KCNN2: variants seen among roughly 807,000 people sequenced by gnomAD.
KCNN2 encodes potassium calcium-activated channel subfamily N member 2.
A neutral mutation model predicts 55.5 loss-of-function variants in KCNN2; 24 were observed. That is an observed-to-expected ratio of 0.43 (90% CI 0.31 to 0.61). KCNN2 has a LOEUF of 0.61. Ranked by LOEUF, KCNN2 falls within the 20% of genes least tolerant of loss-of-function variation. The pLI is 0.08. For missense variants in KCNN2, 754 were observed against 853.6 expected (o/e 0.88, Z 1.45); for synonymous variants, 431 against 336.1 (o/e 1.28, Z -3.09).
chr5:114,166,733 C>T (rs1752920491), intron 1 of KCNN2, among the ~76,000 whole-genome samples: 1 of 152,064 alleles, frequency 6.6e-6, no homozygotes, highest in Non-Finnish European at 1.5e-5. Flanking sequence ...GTTTGCATTT[C>T]CTCCAAATTC....
intron 2 of KCNN2, among the ~76,000 whole-genome samples, chr5:114,235,963 A>G (rs1366780401): frequency 6.6e-6 from 1 of 152,180 alleles, no homozygotes; most frequent in Non-Finnish European, 1.5e-5. Context: ...GCTAGTATTG[A>G]GGCTATGCAG....
intron 2 of KCNN2, among the ~76,000 whole-genome samples, chr5:114,227,743 C>T (rs1754266718): frequency 6.6e-6 from 1 of 152,066 alleles, no homozygotes; most frequent in East Asian, 1.9e-4. Context: ...GATATTATTT[C>T]TGAATTAAGC....
chr5:114,359,303 T>G (rs2150043070), upstream of KCNN2, among the ~76,000 whole-genome samples: 1 of 152,332 alleles, frequency 6.6e-6, no homozygotes, highest in Middle Eastern at 3.4e-3. Flanking sequence ...TCTATCCTCC[T>G]GTGTACCCCC....
chr5:114,244,431 GC>G (rs1754710864), intron 2 of KCNN2, among the ~76,000 whole-genome samples: 1 of 151,936 alleles, frequency 6.6e-6, no homozygotes, highest in South Asian at 2.1e-4. Context: ...CCTTGTCTCT[GC>G]TAAAAATACA....
intron 1 of KCNN2, among the ~76,000 whole-genome samples, chr5:114,066,972 T>G (rs1459814589): frequency 6.6e-6 from 1 of 152,228 alleles, no homozygotes; most frequent in Non-Finnish European, 1.5e-5. Flanking sequence ...GAGACTGATA[T>G]ATAAACTGAA....
intron 1 of KCNN2, among the ~76,000 whole-genome samples, chr5:114,213,074 A>T (rs1247886716): frequency 6.6e-6 from 1 of 152,018 alleles, no homozygotes; most frequent in African/African-American, 2.4e-5. Flanking sequence ...ATTTGAGACC[A>T]CGAAACCAAT....
chr5:114,417,081 T>A (rs987165048), intron 3 of KCNN2, among the ~76,000 whole-genome samples: 1 of 152,250 alleles, frequency 6.6e-6, no homozygotes, highest in Admixed American at 6.5e-5. Flanking sequence ...ATAATACCTT[T>A]TATGCCAGAG....
chr5:114,378,093 G>A (rs1014259519), intron 2 of KCNN2, among the ~76,000 whole-genome samples: 1 of 152,162 alleles, frequency 6.6e-6, no homozygotes, highest in Non-Finnish European at 1.5e-5. Context: ...GCAAATATTT[G>A]CTTAGTTAGA....
Position 114,275,410 on chromosome 5 carries a change from T to C in KCNN2, c.-185+53845T>C, listed in dbSNP as rs532778199. 1.7e-4 allele frequency among the ~76,000 whole-genome samples: 26 copies of C among 152,322 alleles called. No individual in the cohort carries two copies. The South Asian group carries it at 3.9e-3, about 23-fold the overall frequency. ...ATTGGAATAGTTTCAGAAGGAATGG[T>C]GTCCATTCCTCTTTGTACCTCTGGT... On this transcript the variant is annotated intron_variant, in intron 2 of 10. Coordinates refer to the KCNN2 transcript ENST00000512097.
intron 2 of KCNN2, among the ~76,000 whole-genome samples, chr5:114,277,969 T>C (rs1755527361): frequency 6.6e-6 from 1 of 152,216 alleles, no homozygotes; most frequent in Non-Finnish European, 1.5e-5. Flanking sequence ...TTCCCATCTT[T>C]GTAGTTTTAT....
At position 114,280,974 on chromosome 5, in the gene KCNN2, G is replaced by A. The variant is rs534369521; in HGVS notation, c.-185+59409G>A. On this transcript the variant is annotated intron_variant, in intron 2 of 10. Coordinates refer to the KCNN2 transcript ENST00000512097. ...TGAGCACACTAACCCTTCTTTTGCC[G>A]TTATATTTGATATTTTCCTCTTTAG... 2.5e-4 allele frequency among the ~76,000 whole-genome samples: 38 copies of A among 151,904 alleles called. No individual in the cohort carries two copies. The South Asian group carries it at 3.5e-3, about 14-fold the overall frequency.
chr5:114,408,462 C>G (rs938715103), intron 3 of KCNN2, among the ~76,000 whole-genome samples: 8 of 151,896 alleles, frequency 5.3e-5, no homozygotes, highest in East Asian at 1.9e-4. Flanking sequence ...TTAACGTTTT[C>G]TTTTTAAGGA....
intron 2 of KCNN2, among the ~76,000 whole-genome samples, chr5:114,221,744 T>C (rs543657115): frequency 6.6e-6 from 1 of 152,324 alleles, no homozygotes; most frequent in African/African-American, 2.4e-5. Flanking sequence ...TTTCTCTCAC[T>C]AGCCCACCAC....
At chr5:114,252,218 C>A (rs972989002) in intron 2 of KCNN2, among the ~76,000 whole-genome samples, 3 of 151,404 alleles carry the variant, frequency 2.0e-5, no homozygotes, top group African/African-American at 7.2e-5. Context: ...AATGTTTTTT[C>A]TATTAACCTT....
At chr5:114,138,254 ATTTG>A (rs1297187145) in intron 1 of KCNN2, among the ~76,000 whole-genome samples, 1 of 152,136 alleles carries the variant, frequency 6.6e-6, no homozygotes, top group Non-Finnish European at 1.5e-5. Context: ...CTGTAAGTAT[ATTTG>A]TTGTCTTTAG....
chr5:114,311,742 A>C (rs1436536858), intron 2 of KCNN2, among the ~76,000 whole-genome samples: 1 of 152,116 alleles, frequency 6.6e-6, no homozygotes, highest in Admixed American at 6.6e-5. Context: ...CATAGATTAG[A>C]GATGAATCTT....
chr5:114,496,382 A>G lies in KCNN2; in HGVS notation c.*200A>G, dbSNP rs1328741746. 5.3e-6 allele frequency: 3 copies of G among 568,786 alleles called. No individual in the cohort carries two copies. The highest frequency in any genetic ancestry group is 2.9e-5 in the East Asian group (1 of 34,442). The allele number at this position is 568,786 out of a possible 1,614,324, so 35.2% of individuals were successfully genotyped here. On this transcript the variant is annotated 3_prime_UTR_variant, in exon 8 of 8. Coordinates refer to ENST00000673685, the MANE Select transcript of KCNN2 (RefSeq NM_021614.4). Reference sequence around the variant, plus strand: ...TTTCAGATGCACAGGGAATGCACCTATTATTGCTATATAGATTGTTCCTCC... The same window carrying G: ...TTTCAGATGCACAGGGAATGCACCTGTTATTGCTATATAGATTGTTCCTCC...
chr5:114,160,119 C>T (rs1176816729), intron 1 of KCNN2, among the ~76,000 whole-genome samples: 4 of 152,068 alleles, frequency 2.6e-5, no homozygotes, highest in African/African-American at 7.2e-5. Context: ...TAGGTCTTTC[C>T]TGCTTTCTCT....
At chr5:114,423,134 A>G (rs1759518034) in intron 3 of KCNN2, among the ~76,000 whole-genome samples, 1 of 151,942 alleles carries the variant, frequency 6.6e-6, no homozygotes, top group Non-Finnish European at 1.5e-5. Flanking sequence ...TCACAGCTTG[A>G]CTCCTTGAGG....
Sources: gnomAD v4.1 joint callset for allele counts (sites outside exome capture counted in the v4.1 genomes callset) on GRCh38, gnomAD v4.1.1 for gene constraint, MANE v1.5 for transcripts, NCBI Gene and HGNC (gene_info 2026-07-23, HGNC 2026-07-21) for gene names.